The following FBXL17 variants were observed in gnomAD, a reference collection of about 807,000 sequenced individuals.
FBXL17 encodes F-box/LRR-repeat protein 17.
In FBXL17, 22 loss-of-function variants were observed where a neutral mutation model predicts 66.2. The observed-to-expected ratio is 0.33, with a 90% CI of 0.24 to 0.47. The LOEUF (loss-of-function observed/expected upper bound fraction) is 0.47, where lower values mean the gene tolerates loss of function less well. Among genes scored for constraint, FBXL17 ranks in the 20% least tolerant of loss-of-function variants. The pLI is 1.00. For synonymous variants in FBXL17, 474 were observed against 400.5 expected (o/e 1.18, Z -2.19); for missense variants, 878 against 948.2 (o/e 0.93, Z 0.97).
intron 6 of FBXL17, among the ~76,000 whole-genome samples, chr5:108,140,297 C>T (rs1209453813): frequency 2.0e-5 from 3 of 152,162 alleles, no homozygotes; most frequent in Admixed American, 6.5e-5. Flanking sequence ...CCACCTGCCT[C>T]GGCCTCTCAA....
Position 108,381,514 on chromosome 5 carries a change from T to C in FBXL17, c.178A>G (p.Met60Val), listed in dbSNP as rs1440419385. Residue 60 changes from methionine to valine, a missense_variant, in exon 1 of 9, where the codon ATG becomes GTG. By Grantham distance (21) the Met-to-Val change is conservative (BLOSUM62 1). Coordinates refer to ENST00000542267, the MANE Select transcript of FBXL17 (RefSeq NM_001163315.3). The part of the protein sequence containing the change: ...SRDCFFRGPC[M>V]LCFIVHSPGA... ...GGACTGTGCACGATGAAGCAGAGCATGCAGGGCCCGCGGAAGAAGCAGTCC... is the reference window on the plus strand; with the variant it reads ...GGACTGTGCACGATGAAGCAGAGCACGCAGGGCCCGCGGAAGAAGCAGTCC... The C allele has an allele frequency of 7.1e-7, 1 of 1,410,714 alleles. No homozygotes were observed. The highest frequency in any genetic ancestry group is 9.2e-7 in the Non-Finnish European group (1 of 1,092,368). 87.4% of individuals were successfully genotyped at this position (1,410,714 alleles called of 1,614,324 possible).
intron 6 of FBXL17, among the ~76,000 whole-genome samples, chr5:108,066,928 T>C (rs1406178967): frequency 6.6e-6 from 1 of 152,016 alleles, no homozygotes; most frequent in Non-Finnish European, 1.5e-5. Flanking sequence ...CACTAAGCAT[T>C]TAGATGTAAA....
At chr5:107,939,433 C>T (rs1399200056) in intron 7 of FBXL17, among the ~76,000 whole-genome samples, 2 of 152,174 alleles carry the variant, frequency 1.3e-5, no homozygotes, top group African/African-American at 4.8e-5. Context: ...TTCCTTTTAA[C>T]TACTAGAACC....
At chr5:107,977,969 T>TG (rs1191836019) in intron 7 of FBXL17, among the ~76,000 whole-genome samples, 1 of 152,120 alleles carries the variant, frequency 6.6e-6, no homozygotes, top group Non-Finnish European at 1.5e-5. Context: ...AAGGGAACAG[T>TG]GGAAGGCCAT....
chr5:108,320,659 C>G (rs1163838845), intron 4 of FBXL17, among the ~76,000 whole-genome samples: 1 of 151,692 alleles, frequency 6.6e-6, no homozygotes, highest in Non-Finnish European at 1.5e-5. Flanking sequence ...CTACTTCCCA[C>G]AATGTTTGCT....
chr5:108,352,455 C>A (rs1490374758), intron 3 of FBXL17, among the ~76,000 whole-genome samples: 1 of 152,204 alleles, frequency 6.6e-6, no homozygotes, highest in East Asian at 1.9e-4. Context: ...TGCCTTAAAT[C>A]TAGCACAATT....
intron 7 of FBXL17, among the ~76,000 whole-genome samples, chr5:107,893,473 T>C (rs771423156): frequency 3.3e-5 from 5 of 152,182 alleles, no homozygotes; most frequent in African/African-American, 9.6e-5. Context: ...TGTGTTCACA[T>C]GGTAATATGT....
chr5:107,903,983 T>C (rs1181295368), intron 7 of FBXL17, among the ~76,000 whole-genome samples: 2 of 152,176 alleles, frequency 1.3e-5, no homozygotes, highest in African/African-American at 4.8e-5. Flanking sequence ...TTCTCTAAAA[T>C]ATCTATAGTT....
intron 6 of FBXL17, among the ~76,000 whole-genome samples, chr5:108,137,884 T>C (rs1448031038): frequency 6.6e-6 from 1 of 152,218 alleles, no homozygotes; most frequent in East Asian, 1.9e-4. Context: ...ACATTATCTA[T>C]GCCTAGACTA....
At chr5:108,240,313 C>A (rs1755799756) in intron 4 of FBXL17, among the ~76,000 whole-genome samples, 1 of 152,108 alleles carries the variant, frequency 6.6e-6, no homozygotes, top group African/African-American at 2.4e-5. Flanking sequence ...CTACCCTGAG[C>A]CAGAGAGAAG....
intron 4 of FBXL17, among the ~76,000 whole-genome samples, chr5:108,308,307 C>T (rs1758951384): frequency 6.6e-6 from 1 of 151,842 alleles, no homozygotes; most frequent in Non-Finnish European, 1.5e-5. Flanking sequence ...AATGTATAGG[C>T]ATTATAAAAA....
At chr5:108,086,757 C>T (rs1748987305) in intron 6 of FBXL17, among the ~76,000 whole-genome samples, 1 of 152,230 alleles carries the variant, frequency 6.6e-6, no homozygotes, top group Admixed American at 6.5e-5. Flanking sequence ...GTAGGGGTTT[C>T]ACCATGTTTG....
intron 6 of FBXL17, among the ~76,000 whole-genome samples, chr5:108,122,137 TATATC>T (rs1261734836): frequency 1.3e-5 from 2 of 152,128 alleles, no homozygotes; most frequent in Non-Finnish European, 2.9e-5. Context: ...AGGTACTATA[TATATC>T]ATAATATTAA....
At chr5:108,045,414 C>T (rs1283087447) in intron 6 of FBXL17, among the ~76,000 whole-genome samples, 2 of 152,092 alleles carry the variant, frequency 1.3e-5, no homozygotes, top group African/African-American at 4.8e-5. Context: ...TGCACTCCAG[C>T]CTGGGCGATA....
chr5:108,378,831 C>T (rs1302454247), intron 1 of FBXL17, among the ~76,000 whole-genome samples: 3 of 152,176 alleles, frequency 2.0e-5, no homozygotes, highest in African/African-American at 7.2e-5. Context: ...AATCCAGAGT[C>T]GCTGCACCCA....
At chr5:108,107,647 C>T (rs1009817835) in intron 6 of FBXL17, among the ~76,000 whole-genome samples, 2 of 151,520 alleles carry the variant, frequency 1.3e-5, no homozygotes, top group Non-Finnish European at 2.9e-5. Context: ...CCCATCTCTA[C>T]TAAAAATACA....
At position 108,293,870 on chromosome 5, in the gene FBXL17, A is replaced by G. The variant is rs375040473; in HGVS notation, c.1506+54529T>C. Among the ~76,000 whole-genome samples, 204 of 151,648 alleles carry G rather than the reference A, an allele frequency of 1.3e-3. 5 individuals are homozygous for G. The South Asian group carries it at 0.04, about 30-fold the overall frequency. On this transcript the variant is annotated intron_variant, in intron 4 of 8. Coordinates refer to ENST00000542267, the MANE Select transcript of FBXL17 (RefSeq NM_001163315.3). ...AACCTGGCCAACGTGGTGAAACCCC[A>G]TCTCTACTAAAAACACAAAAATCAG...
At chr5:108,215,287 T>A (rs2922419) in intron 5 of FBXL17, among the ~76,000 whole-genome samples, 58,558 of 152,152 alleles carry the variant, frequency 0.38, 11,931 homozygotes, top group African/African-American at 0.52. Context: ...GAACTGCCAA[T>A]CTGTTTTCCA....
intron 4 of FBXL17, among the ~76,000 whole-genome samples, chr5:108,311,316 C>T (rs538865118): frequency 7.9e-5 from 12 of 151,882 alleles, no homozygotes; most frequent in Non-Finnish European, 1.5e-4. Flanking sequence ...AGATTACAGG[C>T]GCCTGCCACC....
Sources: gnomAD v4.1 joint callset for allele counts (sites outside exome capture counted in the v4.1 genomes callset) on GRCh38, gnomAD v4.1.1 for gene constraint, MANE v1.5 for transcripts, NCBI Gene and HGNC (gene_info 2026-07-23, HGNC 2026-07-21) for gene names.